The following MAF variants were observed in gnomAD, a reference collection of about 807,000 sequenced individuals.
MAF encodes transcription factor Maf.
A neutral mutation model predicts 22.0 loss-of-function variants in MAF; 10 were observed. That is an observed-to-expected ratio of 0.45 (90% CI 0.28 to 0.77). The LOEUF (loss-of-function observed/expected upper bound fraction) is 0.77, where lower values mean the gene tolerates loss of function less well. MAF is among the 30% of genes least tolerant of loss of function. MAF has a pLI of 0.12. For missense variants in MAF, 544 were observed against 548.4 expected (o/e 0.99, Z 0.08); for synonymous variants, 337 against 255.8 (o/e 1.32, Z -3.03).
At chr16:79,456,733 G>T in the MAF span, among the ~76,000 whole-genome samples, 1 of 152,136 alleles carries the variant, frequency 6.6e-6, no homozygotes, top group African/African-American at 2.4e-5. Flanking sequence ...CCTAGAAACA[G>T]CCCTTTACAA....
the MAF span, among the ~76,000 whole-genome samples, chr16:79,553,078 G>T: frequency 6.6e-6 from 1 of 152,226 alleles, no homozygotes; most frequent in Non-Finnish European, 1.5e-5. Context: ...TGCAAAATGG[G>T]TTATTAATAT....
At chr16:79,594,637 T>C (rs1418327356) in intron 1 of MAF, 84 bp from the exon 2 acceptor site, 1 of 1,474,360 alleles carries the variant, frequency 6.8e-7, no homozygotes. Flanking sequence ...TTTCCTCATA[T>C]GATTTTTTTT....
chr16:79,246,548 G>GGC, the MAF span, among the ~76,000 whole-genome samples: 3 of 129,698 alleles, frequency 2.3e-5, no homozygotes, highest in South Asian at 2.5e-4. Context: ...TTTGGGGGGG[G>GGC]TGTGGGGGTG....
At chr16:79,383,782 C>T in the MAF span, among the ~76,000 whole-genome samples, 1 of 152,092 alleles carries the variant, frequency 6.6e-6, no homozygotes, top group South Asian at 2.1e-4. Context: ...ATTAAACCTG[C>T]AGTTGGTATG....
chr16:79,274,612 C>A, the MAF span, among the ~76,000 whole-genome samples: 15 of 152,134 alleles, frequency 9.9e-5, no homozygotes, highest in Non-Finnish European at 1.9e-4. Flanking sequence ...TTAGTGCACT[C>A]CATAGTCCAG....
At chr16:79,373,072 G>A in the MAF span, among the ~76,000 whole-genome samples, 1 of 152,170 alleles carries the variant, frequency 6.6e-6, no homozygotes, top group Non-Finnish European at 1.5e-5. Flanking sequence ...TGTTTTGAAA[G>A]AATAGGAGTG....
At chr16:79,521,087 A>G in the MAF span, among the ~76,000 whole-genome samples, 2 of 152,246 alleles carry the variant, frequency 1.3e-5, no homozygotes, top group African/African-American at 2.4e-5. Context: ...TCAATAAAAT[A>G]ATGAAGTAAA....
At chr16:79,261,429 G>T in the MAF span, among the ~76,000 whole-genome samples, 81,405 of 151,996 alleles carry the variant, frequency 0.54, 23,779 homozygotes, top group Non-Finnish European at 0.66. Flanking sequence ...CTGGGATTAC[G>T]GGCATGAGCC....
the MAF span, among the ~76,000 whole-genome samples, chr16:79,330,007 T>G: frequency 6.6e-6 from 1 of 152,004 alleles, no homozygotes; most frequent in Non-Finnish European, 1.5e-5. Context: ...AACTAATCAA[T>G]TGGCAAAAAT....
chr16:79,537,396 A>G, the MAF span, among the ~76,000 whole-genome samples: 1 of 151,992 alleles, frequency 6.6e-6, no homozygotes, highest in Non-Finnish European at 1.5e-5. Flanking sequence ...AATCATGTAT[A>G]TGTTTCACAA....
the MAF span, among the ~76,000 whole-genome samples, chr16:79,556,474 C>T: frequency 1.3e-5 from 2 of 152,126 alleles, no homozygotes; most frequent in African/African-American, 2.4e-5. Flanking sequence ...TTGCCTGAAC[C>T]CACAATAATA....
At chr16:79,455,266 G>A in the MAF span, among the ~76,000 whole-genome samples, 2 of 152,122 alleles carry the variant, frequency 1.3e-5, no homozygotes, top group Non-Finnish European at 2.9e-5. Context: ...AGAAAGCTTA[G>A]TATATGTTAA....
At chr16:79,562,779 T>C in the MAF span, among the ~76,000 whole-genome samples, 2 of 152,160 alleles carry the variant, frequency 1.3e-5, no homozygotes, top group Admixed American at 1.3e-4. Flanking sequence ...GGAAAACAAG[T>C]GGAAGATGAA....
chr16:79,278,592 T>C, the MAF span, among the ~76,000 whole-genome samples: 1 of 152,206 alleles, frequency 6.6e-6, no homozygotes, highest in African/African-American at 2.4e-5. Context: ...GCTTGAAGTA[T>C]TGCTTTTTCC....
the MAF span, among the ~76,000 whole-genome samples, chr16:79,228,379 A>G: frequency 2.0e-5 from 3 of 152,196 alleles, no homozygotes; most frequent in South Asian, 6.2e-4. Flanking sequence ...TCTCCTAATA[A>G]TATCACATGT....
At chr16:79,453,456 A>T in the MAF span, among the ~76,000 whole-genome samples, 4 of 152,242 alleles carry the variant, frequency 2.6e-5, no homozygotes, top group Admixed American at 1.3e-4. Context: ...ATCAGCAAGG[A>T]AGCAATGTAG....
chr16:79,477,215 C>A, the MAF span, among the ~76,000 whole-genome samples: 1 of 152,184 alleles, frequency 6.6e-6, no homozygotes, highest in African/African-American at 2.4e-5. Flanking sequence ...AAAGGTGCCA[C>A]TGGATCATTT....
At chr16:79,254,331 T>G in the MAF span, among the ~76,000 whole-genome samples, 1 of 152,140 alleles carries the variant, frequency 6.6e-6, no homozygotes, top group East Asian at 1.9e-4. Context: ...CATCAATATT[T>G]TTCTTTGTTA....
At chr16:79,368,065 C>T in the MAF span, among the ~76,000 whole-genome samples, 1 of 152,164 alleles carries the variant, frequency 6.6e-6, no homozygotes, top group Non-Finnish European at 1.5e-5. Flanking sequence ...TGCTCAGAGG[C>T]TAGAGGCTTC....
Sources: allele counts gnomAD v4.1 joint callset (sites outside exome capture counted in the v4.1 genomes callset), GRCh38; gene constraint gnomAD v4.1.1; transcripts MANE v1.5; gene names NCBI Gene and HGNC (gene_info 2026-07-23, HGNC 2026-07-21).